Variants in SPMIP7 observed in about 807,000 individuals in gnomAD.
SPMIP7 encodes sperm microtubule inner protein 7.
the SPMIP7 span, among the ~76,000 whole-genome samples, chr7:50,107,362 C>CAAAAAAAAAAAAAAAAAA: frequency 1.2e-4 from 2 of 16,654 alleles, no homozygotes; most frequent in African/African-American, 2.9e-4. Context: ...GACTCTGTCT[C>CAAAAAAAAAAAAAAAAAA]AAAAAAAAAA....
chr7:50,157,476 C>T, the SPMIP7 span, among the ~76,000 whole-genome samples: 4 of 152,164 alleles, frequency 2.6e-5, no homozygotes, highest in Non-Finnish European at 1.5e-5. Context: ...TTCACAGAAA[C>T]TTGCCTTCCC....
chr7:50,128,587 T>C, the SPMIP7 span, among the ~76,000 whole-genome samples: 43,138 of 151,870 alleles, frequency 0.28, 7,813 homozygotes, highest in Non-Finnish European at 0.42. Context: ...CCAAAATTTG[T>C]ATATCTATTA....
the SPMIP7 span, among the ~76,000 whole-genome samples, chr7:50,114,541 GTAAGT>G: frequency 1.3e-5 from 2 of 151,894 alleles, no homozygotes; most frequent in Admixed American, 1.3e-4. Flanking sequence ...AGCATATGTA[GTAAGT>G]TAATAGGAGA....
chr7:50,155,521 C>T, the SPMIP7 span, among the ~76,000 whole-genome samples: 1 of 152,158 alleles, frequency 6.6e-6, no homozygotes, highest in Non-Finnish European at 1.5e-5. Flanking sequence ...ATGCTAATCC[C>T]TTTTCTTTTT....
At chr7:50,109,117 CCCCA>C in the SPMIP7 span, among the ~76,000 whole-genome samples, 1 of 152,070 alleles carries the variant, frequency 6.6e-6, no homozygotes, top group African/African-American at 2.4e-5. Context: ...AATAAAGCCT[CCCCA>C]TTAAGATTGA....
the SPMIP7 span, among the ~76,000 whole-genome samples, chr7:50,108,305 A>G: frequency 6.6e-6 from 1 of 152,232 alleles, no homozygotes; most frequent in Non-Finnish European, 1.5e-5. Flanking sequence ...GAAGACAGAC[A>G]GCAAGGAAAT....
At chr7:50,154,057 T>C in the SPMIP7 span, among the ~76,000 whole-genome samples, 3 of 152,240 alleles carry the variant, frequency 2.0e-5, no homozygotes, top group African/African-American at 7.2e-5. Context: ...CATTTGTTTT[T>C]TTCTCAAGAC....
the SPMIP7 span, among the ~76,000 whole-genome samples, chr7:50,140,530 AAGGGAT>A: frequency 6.6e-6 from 1 of 152,240 alleles, no homozygotes; most frequent in Non-Finnish European, 1.5e-5. Flanking sequence ...ATAATTGCAG[AAGGGAT>A]GAGATGCTCA....
At chr7:50,125,253 TATATATACACACATATATATACAC>T in the SPMIP7 span, among the ~76,000 whole-genome samples, 6 of 49,508 alleles carry the variant, frequency 1.2e-4, no homozygotes, top group South Asian at 1.0e-3. Context: ...TATATACACA[TATATATACACACATATATATACAC>T]ATATATACAC....
At chr7:50,142,766 C>T in the SPMIP7 span, 1 of 152,310 alleles carries the variant, frequency 6.6e-6, no homozygotes, top group African/African-American at 2.4e-5. Flanking sequence ...TTGCCCATGC[C>T]TTCTGCTTCC....
chr7:50,156,218 G>T, the SPMIP7 span, among the ~76,000 whole-genome samples: 2 of 152,124 alleles, frequency 1.3e-5, no homozygotes, highest in African/African-American at 2.4e-5. Context: ...ACATCAAAAA[G>T]TATCACTCTG....
chr7:50,148,686 C>T, the SPMIP7 span, among the ~76,000 whole-genome samples: 1 of 152,180 alleles, frequency 6.6e-6, no homozygotes, highest in Non-Finnish European at 1.5e-5. Flanking sequence ...TCCTGCAGGG[C>T]ACTGCCTAGA....
the SPMIP7 span, among the ~76,000 whole-genome samples, chr7:50,153,216 C>A: frequency 6.6e-6 from 1 of 152,154 alleles, no homozygotes; most frequent in Non-Finnish European, 1.5e-5. Flanking sequence ...GCTTATTGAG[C>A]TTTGTGGTCA....
chr7:50,145,612 G>GTT, the SPMIP7 span, among the ~76,000 whole-genome samples: 1 of 36,900 alleles, frequency 2.7e-5, no homozygotes, highest in Non-Finnish European at 4.8e-5. Flanking sequence ...GTGTGTATAT[G>GTT]TGTGTGTATA....
the SPMIP7 span, among the ~76,000 whole-genome samples, chr7:50,139,724 A>G: frequency 6.6e-6 from 1 of 152,214 alleles, no homozygotes; most frequent in Non-Finnish European, 1.5e-5. Context: ...GAGCTCACAC[A>G]AAGACCTATA....
chr7:50,137,476 C>T, the SPMIP7 span, among the ~76,000 whole-genome samples: 4 of 152,220 alleles, frequency 2.6e-5, no homozygotes, highest in African/African-American at 9.6e-5. Flanking sequence ...ACAGTGCCCA[C>T]ATACCTTCAC....
the SPMIP7 span, chr7:50,096,695 G>A: frequency 1.5e-6 from 2 of 1,309,736 alleles, no homozygotes; most frequent in South Asian, 2.0e-5. Context: ...AGAGAGTATG[G>A]ACATAAGATT....
At chr7:50,145,717 G>A in the SPMIP7 span, among the ~76,000 whole-genome samples, 1 of 138,702 alleles carries the variant, frequency 7.2e-6, no homozygotes, top group South Asian at 2.4e-4. Context: ...TCTCACACTT[G>A]TATTTCCAAA....
chr7:50,132,812 T>C, the SPMIP7 span, among the ~76,000 whole-genome samples: 3 of 152,218 alleles, frequency 2.0e-5, no homozygotes, highest in Non-Finnish European at 2.9e-5. Flanking sequence ...TCCAATATTA[T>C]GTTTTTAAAT....
Sources: gnomAD v4.1 joint callset for allele counts (sites outside exome capture counted in the v4.1 genomes callset) on GRCh38, gnomAD v4.1.1 for gene constraint, MANE v1.5 for transcripts, NCBI Gene and HGNC (gene_info 2026-07-23, HGNC 2026-07-21) for gene names.